ACOXL: variants seen among roughly 807,000 people sequenced by gnomAD.
ACOXL encodes the protein acyl-coenzyme A oxidase-like protein.
A neutral mutation model predicts 71.9 loss-of-function variants in ACOXL; 70 were observed. The ratio of observed to expected loss-of-function variants is 0.97; its 90% CI spans 0.80 to 1.19. ACOXL has a LOEUF of 1.19. Ranked by LOEUF, ACOXL falls within the 50% of genes most tolerant of loss-of-function variation. The pLI is 0.00. For synonymous variants in ACOXL, 253 were observed against 281.6 expected (o/e 0.90, Z 1.02); for missense variants, 703 against 736.3 (o/e 0.95, Z 0.52).
At chr2:110,828,223 C>T (rs1009130691) in intron 9 of ACOXL, among the ~76,000 whole-genome samples, 12 of 152,210 alleles carry the variant, frequency 7.9e-5, no homozygotes, top group African/African-American at 2.4e-4. Flanking sequence ...CCACCTGCCT[C>T]GGCTTCTCCA....
chr2:110,965,917 C>G (rs1360181070), intron 12 of ACOXL, among the ~76,000 whole-genome samples: 1 of 152,164 alleles, frequency 6.6e-6, no homozygotes, highest in Admixed American at 6.5e-5. Context: ...ACAAAATATG[C>G]TCCAGGAGAC....
At chr2:111,078,040 G>A (rs2067691827) in intron 16 of ACOXL, among the ~76,000 whole-genome samples, 2 of 152,090 alleles carry the variant, frequency 1.3e-5, no homozygotes, top group South Asian at 2.1e-4. Context: ...ATGACATGAA[G>A]GTTAGACCTT....
chr2:111,036,714 G>A (rs2065534171), intron 15 of ACOXL: 1 of 152,298 alleles, frequency 6.6e-6, no homozygotes, highest in South Asian at 2.1e-4. Flanking sequence ...GGTCTCTGAT[G>A]CTTGAGGTCT....
chr2:110,798,400 G>A (rs902115218), intron 5 of ACOXL, among the ~76,000 whole-genome samples: 4 of 152,040 alleles, frequency 2.6e-5, no homozygotes, highest in African/African-American at 9.7e-5. Context: ...GGGACTACAG[G>A]CACCCGCCAC....
chr2:110,793,952 A>AT (rs1256805439), intron 4 of ACOXL, 124 bp from the exon 5 acceptor site: 2 of 979,700 alleles, frequency 2.0e-6, no homozygotes, highest in African/African-American at 1.6e-5. Context: ...ATCAGACTGC[A>AT]TTTTTATAAT....
chr2:110,993,981 C>A (rs2063287919), intron 13 of ACOXL, among the ~76,000 whole-genome samples: 1 of 152,174 alleles, frequency 6.6e-6, no homozygotes, highest in African/African-American at 2.4e-5. Context: ...AGCAATGTTT[C>A]TATTTTTAAA....
chr2:111,007,833 T>C (rs983276767), intron 14 of ACOXL, among the ~76,000 whole-genome samples: 1 of 152,244 alleles, frequency 6.6e-6, no homozygotes, highest in Non-Finnish European at 1.5e-5. Context: ...GCACGTATAT[T>C]AGAAATCATG....
chr2:110,777,236 GC>G (rs1682767804), intron 2 of ACOXL, among the ~76,000 whole-genome samples: 1 of 152,180 alleles, frequency 6.6e-6, no homozygotes, highest in Non-Finnish European at 1.5e-5. Flanking sequence ...GATCCCCATG[GC>G]ATGGGTGTTG....
chr2:111,088,934 G>C (rs984402529), intron 16 of ACOXL, among the ~76,000 whole-genome samples: 1 of 152,180 alleles, frequency 6.6e-6, no homozygotes, highest in Non-Finnish European at 1.5e-5. Flanking sequence ...GTTAAGTAAG[G>C]ATAAGTAAGG....
chr2:111,008,075 G>C (rs2063960594), intron 14 of ACOXL, among the ~76,000 whole-genome samples: 2 of 152,130 alleles, frequency 1.3e-5, no homozygotes, highest in African/African-American at 4.8e-5. Context: ...ATTTTTCTTT[G>C]TGAATTTAAC....
chr2:110,937,348 G>T (rs1359565492), intron 12 of ACOXL, among the ~76,000 whole-genome samples: 3 of 150,952 alleles, frequency 2.0e-5, no homozygotes, highest in Non-Finnish European at 4.4e-5. Flanking sequence ...TGGGGTAAAA[G>T]AGTAAATTTA....
intron 15 of ACOXL, among the ~76,000 whole-genome samples, chr2:111,033,258 T>C (rs2065356840): frequency 6.6e-6 from 1 of 152,180 alleles, no homozygotes; most frequent in Non-Finnish European, 1.5e-5. Context: ...GTCCCGTCAT[T>C]TGCAGACTCA....
At chr2:110,952,334 A>G (rs1203835513) in intron 12 of ACOXL, among the ~76,000 whole-genome samples, 1 of 151,840 alleles carries the variant, frequency 6.6e-6, no homozygotes, top group Non-Finnish European at 1.5e-5. Context: ...GCCATTCCTA[A>G]TATTGTTTGT....
At chr2:110,835,840 G>C (rs1042422043) in intron 9 of ACOXL, among the ~76,000 whole-genome samples, 1 of 152,116 alleles carries the variant, frequency 6.6e-6, no homozygotes, top group Non-Finnish European at 1.5e-5. Context: ...TCTGGGTTTG[G>C]GCCTGATAAT....
intron 2 of ACOXL, among the ~76,000 whole-genome samples, chr2:110,770,730 G>A (rs866887096): frequency 3.3e-4 from 50 of 152,162 alleles, no homozygotes; most frequent in Admixed American, 1.3e-4. Flanking sequence ...TGTCAGAGTC[G>A]CCTCCAAGTG....
At chr2:110,802,823 C>T (rs969981879) in intron 8 of ACOXL, among the ~76,000 whole-genome samples, 10 of 151,940 alleles carry the variant, frequency 6.6e-5, no homozygotes, top group African/African-American at 1.5e-4. Flanking sequence ...TATTGTACAG[C>T]GTGATAATAG....
chr2:110,870,045 C>A (rs1695082844), intron 10 of ACOXL, among the ~76,000 whole-genome samples: 1 of 152,260 alleles, frequency 6.6e-6, no homozygotes, highest in Non-Finnish European at 1.5e-5. Flanking sequence ...CTATTTAAAC[C>A]CATGGGGGAG....
chr2:110,917,810 A>G (rs2059920723), intron 11 of ACOXL, among the ~76,000 whole-genome samples: 1 of 152,190 alleles, frequency 6.6e-6, no homozygotes, highest in Admixed American at 6.5e-5. Context: ...CAAAATTGCT[A>G]CAAAGAGAAT....
intron 12 of ACOXL, among the ~76,000 whole-genome samples, chr2:110,941,855 A>G (rs1007207228): frequency 2.0e-5 from 3 of 152,260 alleles, no homozygotes; most frequent in Admixed American, 1.3e-4. Flanking sequence ...GATACCAGAT[A>G]GAAATATAGA....
Sources: gnomAD v4.1 joint callset for allele counts (sites outside exome capture counted in the v4.1 genomes callset) on GRCh38, gnomAD v4.1.1 for gene constraint, MANE v1.5 for transcripts, NCBI Gene and HGNC (gene_info 2026-07-23, HGNC 2026-07-21) for gene names.